RAD50: variants seen among roughly 807,000 people sequenced by gnomAD.
RAD50 encodes DNA repair protein RAD50.
In RAD50, 132 loss-of-function variants were observed where a neutral mutation model predicts 168.8. That is an observed-to-expected ratio of 0.78 (90% CI 0.68 to 0.90). The LOEUF (loss-of-function observed/expected upper bound fraction) is 0.90, where lower values mean the gene tolerates loss of function less well. RAD50 is among the 40% of genes least tolerant of loss of function. The pLI is 0.00. For synonymous variants in RAD50, 525 were observed against 497.4 expected (o/e 1.06, Z -0.74); for missense variants, 1,347 against 1,534.4 (o/e 0.88, Z 2.04).
intron 2 of RAD50, among the ~76,000 whole-genome samples, chr5:132,564,427 T>G (rs1470768893): frequency 6.6e-6 from 1 of 152,184 alleles, no homozygotes; most frequent in Non-Finnish European, 1.5e-5. Flanking sequence ...TCTGTGGAAC[T>G]TTGAACTTGA....
chr5:132,560,338 G>A (rs1750103107), intron 2 of RAD50, among the ~76,000 whole-genome samples: 1 of 151,896 alleles, frequency 6.6e-6, no homozygotes, highest in Non-Finnish European at 1.5e-5. Flanking sequence ...ATGACCCCCT[G>A]TTGATTATTA....
At chr5:132,559,004 C>A (rs1750071076) in intron 1 of RAD50, among the ~76,000 whole-genome samples, 1 of 152,102 alleles carries the variant, frequency 6.6e-6, no homozygotes, top group Non-Finnish European at 1.5e-5. Flanking sequence ...GTTAGCCATT[C>A]TTATTATTAA....
At chr5:132,588,974 A>G in intron 8 of RAD50, 94 bp downstream of exon 8, 3 of 1,331,236 alleles carry the variant, frequency 2.3e-6, no homozygotes, top group South Asian at 1.3e-5. Flanking sequence ...ATTTTGGCAT[A>G]TTTTTCTATT....
At chr5:132,603,835 A>T (rs1264586702) in intron 14 of RAD50, 85 bp from the exon 15 acceptor site, 1 of 1,254,578 alleles carries the variant, frequency 8.0e-7, no homozygotes, top group African/African-American at 1.5e-5. Context: ...GATTTAAAAA[A>T]TAAATGATAA....
chr5:132,559,341 G>A lies in RAD50; in HGVS notation c.187G>A (p.Gly63Arg), dbSNP rs1580976250. Residue 63 changes from glycine (G) to arginine (R), a missense_variant, in exon 2 of 25, where the codon GGA becomes AGA. By Grantham distance (125) the Gly-to-Arg change is moderately radical. Transcript: ENST00000378823. ...CTGDFPPGTKGNTFVHDPKVA... is the reference protein window; with the variant it reads ...CTGDFPPGTKRNTFVHDPKVA... ...TGGAGATTTCCCTCCTGGAACCAAA[G>A]GAAATACATTTGTACACGATCCCAA... The A allele has an allele frequency of 6.2e-7, 1 of 1,608,612 alleles. No homozygotes were observed. The highest frequency in any genetic ancestry group is 8.5e-7 in the Non-Finnish European group (1 of 1,177,228).
intron 21 of RAD50, among the ~76,000 whole-genome samples, chr5:132,618,855 T>C (rs1751225183): frequency 6.6e-6 from 1 of 152,238 alleles, no homozygotes; most frequent in South Asian, 2.1e-4. Context: ...TATCACTGAT[T>C]GGCATCCACT....
chr5:132,619,812 ACTC>A (rs1295015080), intron 21 of RAD50, among the ~76,000 whole-genome samples: 3 of 94,862 alleles, frequency 3.2e-5, no homozygotes, highest in Non-Finnish European at 6.0e-5. Context: ...CTCTCTCTCT[ACTC>A]CTCTCTCTCT....
intron 19 of RAD50, among the ~76,000 whole-genome samples, chr5:132,613,374 A>G (rs1230299457): frequency 1.3e-5 from 2 of 152,198 alleles, no homozygotes; most frequent in East Asian, 1.9e-4. Flanking sequence ...ACCCTACACT[A>G]TCAAATTTCT....
intron 1 of RAD50, among the ~76,000 whole-genome samples, chr5:132,558,718 CAAAA>C (rs35515008): frequency 0.083 from 6,341 of 76,076 alleles, 456 homozygotes; most frequent in African/African-American, 0.27. Context: ...TCTCCCCCCA[CAAAA>C]AAAAAAAAAA....
At chr5:132,620,315 C>CTATT (rs1030428935) in intron 21 of RAD50, among the ~76,000 whole-genome samples, 9 of 152,124 alleles carry the variant, frequency 5.9e-5, no homozygotes, top group Non-Finnish European at 1.0e-4. Context: ...TGTCTTGGCT[C>CTATT]TATTTATTGT....
At chr5:132,571,454 T>C (rs1750305262) in intron 2 of RAD50, among the ~76,000 whole-genome samples, 1 of 152,188 alleles carries the variant, frequency 6.6e-6, no homozygotes, top group Non-Finnish European at 1.5e-5. Context: ...CCTCAAATTA[T>C]TAATTAATTG....
chr5:132,574,196 G>A (rs1248889674), intron 2 of RAD50, among the ~76,000 whole-genome samples: 1 of 152,186 alleles, frequency 6.6e-6, no homozygotes, highest in Non-Finnish European at 1.5e-5. Context: ...CCCCACCCCT[G>A]CAGCAAACAT....
chr5:132,580,616 G>A (rs1466727837), intron 5 of RAD50, among the ~76,000 whole-genome samples: 1 of 152,132 alleles, frequency 6.6e-6, no homozygotes, highest in African/African-American at 2.4e-5. Flanking sequence ...CACAGAATTT[G>A]GAATTGATCC....
chr5:132,617,962 T>C, intron 20 of RAD50, 108 bp from the exon 21 acceptor site: 1 of 935,766 alleles, frequency 1.1e-6, no homozygotes, highest in East Asian at 2.4e-5. Flanking sequence ...ATATACTGAT[T>C]GCTAAGGAGA....
chr5:132,618,345 A>G, intron 21 of RAD50, 51 bp downstream of exon 21: 3 of 1,601,702 alleles, frequency 1.9e-6, no homozygotes, highest in Non-Finnish European at 1.7e-6. Flanking sequence ...TAACTAACAT[A>G]CTTTAGTCAT....
chr5:132,571,862 G>A (rs140137806), intron 2 of RAD50, among the ~76,000 whole-genome samples: 3 of 152,250 alleles, frequency 2.0e-5, no homozygotes, highest in African/African-American at 7.2e-5. Context: ...GATTCTAGTC[G>A]TGAGGAAATA....
At chr5:132,602,173 G>A (rs529390360) in intron 13 of RAD50, among the ~76,000 whole-genome samples, 1 of 152,050 alleles carries the variant, frequency 6.6e-6, no homozygotes, top group Non-Finnish European at 1.5e-5. Flanking sequence ...TAGGTCTGTT[G>A]CCACAGGTCA....
chr5:132,562,616 A>G (rs1750141575), intron 2 of RAD50, among the ~76,000 whole-genome samples: 1 of 152,062 alleles, frequency 6.6e-6, no homozygotes. Context: ...TAAACATGCA[A>G]ATTAGGGATA....
intron 19 of RAD50, among the ~76,000 whole-genome samples, chr5:132,609,826 TCTTA>T (rs1202493209): frequency 1.3e-5 from 2 of 152,052 alleles, no homozygotes; most frequent in Admixed American, 6.6e-5. Flanking sequence ...CCAATAACAT[TCTTA>T]CTTCATTTAT....
Sources: gnomAD v4.1 joint callset for allele counts (sites outside exome capture counted in the v4.1 genomes callset) on GRCh38, gnomAD v4.1.1 for gene constraint, MANE v1.5 for transcripts, NCBI Gene and HGNC (gene_info 2026-07-23, HGNC 2026-07-21) for gene names.